Variants in ANKRD30BL observed in about 807,000 individuals in gnomAD.
ANKRD30BL encodes the protein ankyrin repeat domain 30B like.
ANKRD30BL carries 20 observed loss-of-function variants against 18.4 expected under a neutral mutation model. The observed-to-expected ratio is 1.09, with a 90% confidence interval of 0.77 to 1.58. The LOEUF (loss-of-function observed/expected upper bound fraction) is 1.58. Ranked by LOEUF, ANKRD30BL falls within the 40% of genes most tolerant of loss-of-function variation. The pLI is 0.00. For synonymous variants in ANKRD30BL, 72 were observed against 100.9 expected (o/e 0.71, Z 1.72); for missense variants, 224 against 268.6 (o/e 0.83, Z 1.16).
At chr2:132,150,861 T>C in intron 5 of ANKRD30BL, 51 bp downstream of exon 5, 1 of 574,854 alleles carries the variant, frequency 1.7e-6, no homozygotes, top group Non-Finnish European at 3.1e-6. Context: ...TTAACACTCC[T>C]ATAATCTTAT....
chr2:132,241,806 A>C (rs1367483519), intron 1 of ANKRD30BL, among the ~76,000 whole-genome samples: 1 of 152,024 alleles, frequency 6.6e-6, no homozygotes, highest in Non-Finnish European at 1.5e-5. Flanking sequence ...TAGAATCTGC[A>C]AGTGGATATT....
intron 1 of ANKRD30BL, among the ~76,000 whole-genome samples, chr2:132,209,959 C>T (rs796367159): frequency 6.6e-6 from 1 of 151,894 alleles, no homozygotes; most frequent in Non-Finnish European, 1.5e-5. Flanking sequence ...TTTTGAAACA[C>T]TCTTTTTGTA....
rs987192023 is a variant in ANKRD30BL at position 132,253,518 on chromosome 2, G to A, written n.441+4011C>T. On this transcript the variant is annotated intron_variant and non_coding_transcript_variant, in intron 1 of 4. Transcript: ENST00000470729. ...ACCCCATGGGAGCCCAGGGGTTCCC[G>A]CCCCCACAGAGCGGGGTACAGGCCA... Among the ~76,000 whole-genome samples, 16 of 152,074 alleles carry A rather than the reference G, an allele frequency of 1.1e-4. 1 individual carries two copies. The highest frequency in any genetic ancestry group is 5.2e-4 in the Admixed American group (8 of 15,274).
intron 1 of ANKRD30BL, among the ~76,000 whole-genome samples, chr2:132,203,238 C>T (rs540919562): frequency 1.8e-4 from 28 of 152,392 alleles, no homozygotes; most frequent in African/African-American, 6.5e-4. Context: ...TTGGCTCAAT[C>T]CTTCAGAAAA....
chr2:132,255,880 G>A (rs1573903057), intron 1 of ANKRD30BL, among the ~76,000 whole-genome samples: 3 of 152,108 alleles, frequency 2.0e-5, no homozygotes, highest in African/African-American at 7.2e-5. Flanking sequence ...GGGGGCGTGC[G>A]ATTGGCCCGA....
intron 1 of ANKRD30BL, among the ~76,000 whole-genome samples, chr2:132,159,283 A>G (rs1445068361): frequency 6.6e-6 from 1 of 152,122 alleles, no homozygotes; most frequent in East Asian, 1.9e-4. Context: ...ATGTATTTAT[A>G]AAAGTCATTA....
chr2:132,226,671 C>A (rs1452536502), intron 1 of ANKRD30BL, among the ~76,000 whole-genome samples: 1 of 151,314 alleles, frequency 6.6e-6, no homozygotes, highest in African/African-American at 2.4e-5. Context: ...TGCTTTGAGG[C>A]CTATGGTGGA....
chr2:132,176,305 A>G (rs1244956864), intron 1 of ANKRD30BL, among the ~76,000 whole-genome samples: 3 of 151,764 alleles, frequency 2.0e-5, no homozygotes, highest in Non-Finnish European at 2.9e-5. Context: ...TGAGGCGAGT[A>G]GATCAGGAGG....
intron 1 of ANKRD30BL, among the ~76,000 whole-genome samples, chr2:132,247,584 T>C (rs201149640): frequency 6.7e-6 from 1 of 148,256 alleles, no homozygotes; most frequent in African/African-American, 2.5e-5. Flanking sequence ...TTTTATGTGA[T>C]GATATTTCTT....
chr2:132,232,232 G>A (rs900519313), intron 1 of ANKRD30BL, among the ~76,000 whole-genome samples: 15 of 152,066 alleles, frequency 9.9e-5, no homozygotes, highest in Admixed American at 2.6e-4. Flanking sequence ...ACAAAGATGG[G>A]GAAAAAACAG....
chr2:132,168,557 A>C (rs1258713826), intron 1 of ANKRD30BL, among the ~76,000 whole-genome samples: 1 of 152,202 alleles, frequency 6.6e-6, no homozygotes, highest in African/African-American at 2.4e-5. Flanking sequence ...AAAAAATTTA[A>C]ACTCATTAGA....
At chr2:132,153,415 G>A in intron 4 of ANKRD30BL, 3 of 385,166 alleles carry the variant, frequency 7.8e-6, no homozygotes, top group Non-Finnish European at 5.2e-6. Context: ...CTAAAATAAA[G>A]AATCCTGGAG....
chr2:132,221,453 T>G (rs1400139725), intron 1 of ANKRD30BL, among the ~76,000 whole-genome samples: 1 of 125,684 alleles, frequency 8.0e-6, no homozygotes, highest in Admixed American at 7.4e-5. Flanking sequence ...AGCCACCCCG[T>G]CCGGGAGGTG....
intron 1 of ANKRD30BL, among the ~76,000 whole-genome samples, chr2:132,172,632 T>C (rs1350227370): frequency 3.9e-5 from 6 of 152,128 alleles, no homozygotes; most frequent in Non-Finnish European, 1.5e-5. Context: ...TATATCCACA[T>C]ATACTGATGT....
Position 132,148,142 on chromosome 2 carries a change from G to A in ANKRD30BL, c.766C>T (p.Pro256Ser), listed in dbSNP as rs765964844. 48 of 1,592,016 alleles carry A rather than the reference G, an allele frequency of 3.0e-5. No homozygotes were observed. The African/African-American group carries it at 5.8e-4, about 19-fold the overall frequency. The change falls in exon 6 of 6, where the codon CCT becomes TCT. Residue 256 changes from proline to serine, a missense_variant. Coordinates refer to ENST00000409867, the MANE Select transcript of ANKRD30BL (RefSeq NM_001358416.1). ...DTAESLVERT[P>S]DE ...GAATTCACTGTATCCTATTCATCAG[G>A]TGTTCTTTCCACCAAGCTTTCAGCC...
chr2:132,164,580 C>A (rs749841310), upstream of ANKRD30BL, among the ~76,000 whole-genome samples: 3 of 151,912 alleles, frequency 2.0e-5, no homozygotes, highest in African/African-American at 4.8e-5. Context: ...TGTGAGCCAC[C>A]ACAGAAGGCC....
chr2:132,201,937 A>G (rs1679107262), intron 1 of ANKRD30BL, among the ~76,000 whole-genome samples: 1 of 152,242 alleles, frequency 6.6e-6, no homozygotes, highest in Non-Finnish European at 1.5e-5. Flanking sequence ...TGTGGCACAT[A>G]TACACCACGG....
chr2:132,225,238 G>C lies in ANKRD30BL; in HGVS notation n.441+32291C>G, dbSNP rs554173051. On this transcript the variant is annotated intron_variant and non_coding_transcript_variant, in intron 1 of 4. Transcript: ENST00000470729. Reference sequence around the variant, plus strand: ...ACAGAGTTGATCCTTTCTTTTGATAGAGCAGGTTTGAAACACTTTTTTTGT... The same window carrying C: ...ACAGAGTTGATCCTTTCTTTTGATACAGCAGGTTTGAAACACTTTTTTTGT... Among the ~76,000 whole-genome samples the C allele has an allele frequency of 2.8e-4, 42 of 152,096 alleles. 2 individuals are homozygous for C. In the East Asian group the frequency reaches 5.0e-3, roughly 18 times the overall value.
upstream of ANKRD30BL, among the ~76,000 whole-genome samples, chr2:132,165,511 T>A (rs560403731): frequency 3.7e-3 from 554 of 149,304 alleles, 6 homozygotes; most frequent in African/African-American, 0.012. Flanking sequence ...CTGGGCCACA[T>A]GGTAAAATTT....
Sources: gnomAD v4.1 joint callset for allele counts (sites outside exome capture counted in the v4.1 genomes callset) on GRCh38, gnomAD v4.1.1 for gene constraint, MANE v1.5 for transcripts, NCBI Gene and HGNC (gene_info 2026-07-23, HGNC 2026-07-21) for gene names.